SLC5A11: variants seen among roughly 807,000 people sequenced by gnomAD.
SLC5A11 encodes the protein solute carrier family 5 member 11, also known as sodium/myo-inositol cotransporter 2.
A neutral mutation model predicts 69.8 loss-of-function variants in SLC5A11; 48 were observed. The ratio of observed to expected loss-of-function variants is 0.69; its 90% CI spans 0.55 to 0.87. The LOEUF (loss-of-function observed/expected upper bound fraction) is 0.87, where lower values mean the gene tolerates loss of function less well. Ranked by LOEUF, SLC5A11 falls within the 40% of genes least tolerant of loss-of-function variation. The pLI, the probability that SLC5A11 is intolerant of heterozygous loss-of-function variation, is 0.00. For synonymous variants in SLC5A11, 319 were observed against 342.4 expected, an observed-to-expected ratio of 0.93 and a Z score of 0.75; for missense variants, 784 against 866.1, an observed-to-expected ratio of 0.91 and a Z score of 1.19.
At chr16:24,897,219 G>A (rs2049246954) in intron 9 of SLC5A11, among the ~76,000 whole-genome samples, 1 of 152,042 alleles carries the variant, frequency 6.6e-6, no homozygotes, top group Non-Finnish European at 1.5e-5. Flanking sequence ...CTCCCAAAGT[G>A]CTGGGATTAC....
intron 2 of SLC5A11, 137 bp downstream of exon 3, chr16:24,858,915 C>A: frequency 8.5e-7 from 1 of 1,170,382 alleles, no homozygotes; most frequent in Non-Finnish European, 1.1e-6. Context: ...ATAGAGTAAT[C>A]AGAACTTAAA....
chr16:24,907,258 A>C, intron 12 of SLC5A11, 83 bp downstream of exon 13: 1 of 1,505,418 alleles, frequency 6.6e-7, no homozygotes, highest in East Asian at 2.3e-5. Flanking sequence ...TCAGCCAGCA[A>C]CCTATCCAGG....
chr16:24,905,221 C>T (rs1367912399), intron 10 of SLC5A11, among the ~76,000 whole-genome samples: 1 of 132,728 alleles, frequency 7.5e-6, no homozygotes, highest in Non-Finnish European at 1.5e-5. Context: ...GCCAGGAGGT[C>T]AAGACCAGCC....
rs775837387 is a variant in SLC5A11 at position 24,890,825 on chromosome 16, G to A, written c.665-44G>A. On this transcript the variant is annotated intron_variant, in intron 8 of 15. Transcript: ENST00000347898. ...AGCCATCTCCTCATCACTTGCCATG[G>A]ACCAATCTGAGTTCCCGGAAAATAG... The A allele has an allele frequency of 3.1e-6, 5 of 1,592,446 alleles. No homozygotes were observed. The East Asian group carries it at 6.7e-5, about 21-fold the overall frequency.
intron 1 of SLC5A11, among the ~76,000 whole-genome samples, chr16:24,852,523 C>T (rs554935920): frequency 1.5e-4 from 23 of 152,230 alleles, no homozygotes; most frequent in African/African-American, 3.4e-4. Context: ...ATCCTCCCCG[C>T]GGGCACAGGG....
At chr16:24,866,405 C>T (rs1431731266) in intron 3 of SLC5A11, among the ~76,000 whole-genome samples, 3 of 151,558 alleles carry the variant, frequency 2.0e-5, no homozygotes, top group Admixed American at 6.6e-5. Context: ...TCAAGACCAG[C>T]CTGGGTAACA....
exon 9 of SLC5A11, chr16:24,891,046 C>T: frequency 6.2e-7 from 1 of 1,614,138 alleles, no homozygotes; most frequent in Non-Finnish European, 8.5e-7. Context: ...ATGTCCATCC[C>T]ATCCCTCTGG....
chr16:24,867,254 A>G (rs1279228984), intron 3 of SLC5A11, among the ~76,000 whole-genome samples: 1 of 152,166 alleles, frequency 6.6e-6, no homozygotes, highest in East Asian at 1.9e-4. Flanking sequence ...CAATTAAACA[A>G]CACACTTCTA....
exon 5 of SLC5A11, chr16:24,872,193 T>G (rs1358754665): frequency 6.8e-6 from 11 of 1,614,158 alleles, no homozygotes; most frequent in Non-Finnish European, 9.3e-6. Flanking sequence ...GGCCTGGATC[T>G]TCCTACCCAT....
intron 8 of SLC5A11, among the ~76,000 whole-genome samples, chr16:24,890,498 AAAAAAAAAAAAAAAAAAGAAG>A (rs1051362793): frequency 9.0e-5 from 7 of 77,468 alleles, no homozygotes; most frequent in Non-Finnish European, 1.4e-4. Context: ...AAAAAAAAAA[AAAAAAAAAAAAAAAAAAGAAG>A]GAAGGAAGGA....
exon 10 of SLC5A11, chr16:24,897,994 G>A (rs767954219): frequency 6.2e-7 from 1 of 1,614,094 alleles, no homozygotes; most frequent in Admixed American, 1.7e-5. Context: ...AGCGGACTCT[G>A]GCTGCCAAGA....
intron 3 of SLC5A11, among the ~76,000 whole-genome samples, chr16:24,867,498 A>G (rs1160874297): frequency 6.6e-6 from 1 of 152,162 alleles, no homozygotes; most frequent in African/African-American, 2.4e-5. Flanking sequence ...GCAAGCAGAC[A>G]GAAGAAAATA....
At chr16:24,883,931 C>A in intron 7 of SLC5A11, 120 bp from the exon 9 acceptor site, 1 of 827,934 alleles carries the variant, frequency 1.2e-6, no homozygotes, top group South Asian at 1.8e-5. Flanking sequence ...GCCATCTTTG[C>A]AATCAGTCAG....
chr16:24,900,603 T>C (rs1010788134), intron 10 of SLC5A11, among the ~76,000 whole-genome samples: 21 of 152,072 alleles, frequency 1.4e-4, no homozygotes, highest in African/African-American at 4.8e-4. Flanking sequence ...TCAGCAAGTC[T>C]TGACATAGGA....
chr16:24,911,166 CAAAAAAAAAAA>C (rs59292009), intron 15 of SLC5A11, among the ~76,000 whole-genome samples, 151 bp from the exon 17 acceptor site: 1 of 66,056 alleles, frequency 1.5e-5, no homozygotes, highest in African/African-American at 4.9e-5. Context: ...GAGACTCTCT[CAAAAAAAAAAA>C]AAAAAAAAAG....
chr16:24,905,408 C>G (rs2049961954), intron 10 of SLC5A11, among the ~76,000 whole-genome samples: 1 of 151,148 alleles, frequency 6.6e-6, no homozygotes, highest in Non-Finnish European at 1.5e-5. Flanking sequence ...GTGCCACGCA[C>G]TCCAGTCTGG....
chr16:24,887,525 T>C (rs746558185), intron 8 of SLC5A11, among the ~76,000 whole-genome samples: 1 of 152,078 alleles, frequency 6.6e-6, no homozygotes, highest in African/African-American at 2.4e-5. Context: ...ACCCTTTATG[T>C]AGGAAATATG....
Position 24,874,688 on chromosome 16 carries a change from C to T in SLC5A11, c.373-939C>T, listed in dbSNP as rs141601942. On this transcript the variant is annotated intron_variant, in intron 5 of 15. Transcript: ENST00000347898. ...AATTCTTGATTCTCCTGCCTCACTCCGTCCCCCACCACACACACACTGCCC... is the reference window on the plus strand; with the variant it reads ...AATTCTTGATTCTCCTGCCTCACTCTGTCCCCCACCACACACACACTGCCC... 1.1e-4 allele frequency among the ~76,000 whole-genome samples: 17 copies of T among 152,144 alleles called. No individual in the cohort carries two copies. The East Asian group carries it at 2.5e-3, about 22-fold the overall frequency.
chr16:24,876,402 C>T (rs1369733593), intron 6 of SLC5A11, among the ~76,000 whole-genome samples: 1 of 152,024 alleles, frequency 6.6e-6, no homozygotes, highest in African/African-American at 2.4e-5. Context: ...GCTGTTTATC[C>T]GATGTGCTGT....
Sources: allele counts gnomAD v4.1 joint callset (sites outside exome capture counted in the v4.1 genomes callset), GRCh38; gene constraint gnomAD v4.1.1; transcripts MANE v1.5; gene names NCBI Gene and HGNC (gene_info 2026-07-23, HGNC 2026-07-21).